The following PTPRF variants were observed in gnomAD, a reference collection of about 807,000 sequenced individuals.
PTPRF encodes protein tyrosine phosphatase receptor type F.
PTPRF carries 59 observed loss-of-function variants against 201.8 expected under a neutral mutation model. That is an observed-to-expected ratio of 0.29 (90% confidence interval 0.24 to 0.36). The LOEUF (loss-of-function observed/expected upper bound fraction) is 0.36. Among genes scored for constraint, PTPRF ranks in the 10% least tolerant of loss-of-function variants. PTPRF has a pLI of 1.00. For synonymous variants in PTPRF, 1,088 were observed against 1,089.7 expected, an observed-to-expected ratio of 1.00 and a Z score of 0.03; for missense variants, 2,132 against 2,690.5, an observed-to-expected ratio of 0.79 and a Z score of 4.59.
chr1:43,524,255 A>C (rs1419790202), upstream of PTPRF, among the ~76,000 whole-genome samples: 1 of 152,158 alleles, frequency 6.6e-6, no homozygotes, highest in African/African-American at 2.4e-5. Flanking sequence ...ATTGGGTACA[A>C]TGTTCGATAT....
intron 11 of PTPRF, among the ~76,000 whole-genome samples, chr1:43,595,662 TGA>T (rs896651534): frequency 2.6e-5 from 4 of 152,062 alleles, no homozygotes; most frequent in African/African-American, 9.7e-5. Flanking sequence ...GTATGGGTGG[TGA>T]GAGAGCTTAG....
At chr1:43,561,638 T>C (rs1645811752) in intron 5 of PTPRF, among the ~76,000 whole-genome samples, 1 of 152,176 alleles carries the variant, frequency 6.6e-6, no homozygotes, top group Admixed American at 6.5e-5. Flanking sequence ...GTCCAGCTGC[T>C]GTAGTCCTCT....
At position 43,603,614 on chromosome 1, in the gene PTPRF, C is replaced by T; in HGVS notation, c.2462C>T (p.Pro821Leu). Reference sequence around the variant, plus strand: ...AGCCCAGCCCGTGGTCCTTCAGTCCCAGGCCGGCCCACCATGATGATCAGC... The same window carrying T: ...AGCCCAGCCCGTGGTCCTTCAGTCCTAGGCCGGCCCACCATGATGATCAGC... Reference protein sequence around the residue: ...PKIVTTTGAVPGRPTMMISTT... With the variant: ...PKIVTTTGAVLGRPTMMISTT... The change falls in exon 16 of 34, where the codon CCA becomes CTA. Residue 821 changes from proline (P) to leucine (L), a missense_variant. Pro to Leu is a moderately conservative substitution (Grantham distance 98). Transcript: ENST00000359947. This position sits in a 1 kb window ranked among gnomAD's most constrained non-coding sequence, Gnocchi z 5.8. 1 of 1,612,844 alleles carries T rather than the reference C, an allele frequency of 6.2e-7. No individual in the cohort carries two copies. The highest frequency in any genetic ancestry group is 8.5e-7 in the Non-Finnish European group (1 of 1,179,444).
rs570225153 is a variant in PTPRF at position 43,610,678 on chromosome 1, G to C, written c.3973+1180G>C. ...GTGGATCACCTGAGGTCAGGAGTTC[G>C]AGACCAGCTAATGAAATCCCATCTC... On this transcript the variant is annotated intron_variant, in intron 22 of 33. Coordinates refer to ENST00000359947, the MANE Select transcript of PTPRF (RefSeq NM_002840.5). Among the ~76,000 whole-genome samples the C allele has an allele frequency of 4.6e-5, 7 of 152,314 alleles. No homozygotes were observed. In the South Asian group the frequency reaches 1.5e-3, roughly 32 times the overall value.
In PTPRF at chr1:43,593,847, G is replaced by A. The variant is rs1000049349; in HGVS notation, c.1813+1246G>A. Reference sequence around the variant, plus strand: ...CTAAAAATACAAAAATTAGCCAGGCGTGGTGGTGGTTGCCTGCAATCCCAC... The same window carrying A: ...CTAAAAATACAAAAATTAGCCAGGCATGGTGGTGGTTGCCTGCAATCCCAC... On this transcript the variant is annotated intron_variant, in intron 11 of 33. Coordinates refer to ENST00000359947, the MANE Select transcript of PTPRF (RefSeq NM_002840.5). Among the ~76,000 whole-genome samples, 8 of 151,770 alleles carry A rather than the reference G, an allele frequency of 5.3e-5. No homozygotes were observed. In the East Asian group the frequency reaches 7.8e-4, roughly 15 times the overall value.
intron 19 of PTPRF, 100 bp downstream of exon 19, chr1:43,605,722 C>T (rs1654932041): frequency 3.4e-6 from 4 of 1,161,346 alleles, no homozygotes; most frequent in South Asian, 2.6e-5. Context: ...AGATTCACTC[C>T]CCAAATTGAA....
intron 6 of PTPRF, among the ~76,000 whole-genome samples, chr1:43,572,910 G>A (rs975422347): frequency 2.6e-5 from 4 of 151,978 alleles, no homozygotes; most frequent in Non-Finnish European, 5.9e-5. Flanking sequence ...GGAGCAGCTG[G>A]ACCCTTCTGG....
chr1:43,610,814 AGATC>A (rs1656254312), intron 22 of PTPRF, among the ~76,000 whole-genome samples: 1 of 152,252 alleles, frequency 6.6e-6, no homozygotes, highest in Non-Finnish European at 1.5e-5. Flanking sequence ...GCGTGAGCCA[AGATC>A]GTACCATCGC....
upstream of PTPRF, among the ~76,000 whole-genome samples, chr1:43,526,957 T>C (rs1643142191): frequency 6.6e-6 from 1 of 152,100 alleles, no homozygotes; most frequent in Non-Finnish European, 1.5e-5. Context: ...ACCCCTGGAG[T>C]TCATGGATGA....
At chr1:43,566,789 A>C (rs1646218624) in intron 5 of PTPRF, among the ~76,000 whole-genome samples, 2 of 152,136 alleles carry the variant, frequency 1.3e-5, no homozygotes, top group African/African-American at 4.8e-5. Context: ...GCTGCCTAGA[A>C]GCCTAGTTGG....
intron 25 of PTPRF, 62 bp from the exon 26 acceptor site, chr1:43,618,568 C>A: frequency 6.4e-7 from 1 of 1,557,960 alleles, no homozygotes; most frequent in South Asian, 1.2e-5. Context: ...CAGCCTCCAC[C>A]CTGCTTCTGC....
chr1:43,618,604 A>G, intron 25 of PTPRF, 26 bp from the exon 26 acceptor site: 1 of 1,585,078 alleles, frequency 6.3e-7, no homozygotes, highest in Non-Finnish European at 8.6e-7. Flanking sequence ...GGCTTCCTTC[A>G]GCCTGCCCTG....
chr1:43,573,542 C>T (rs987953836), intron 6 of PTPRF, among the ~76,000 whole-genome samples: 1 of 152,234 alleles, frequency 6.6e-6, no homozygotes, highest in Non-Finnish European at 1.5e-5. Flanking sequence ...TGGCTGGCCC[C>T]AGCTCTGGCT....
chr1:43,532,848 C>G (rs1361212115), intron 1 of PTPRF, among the ~76,000 whole-genome samples: 2 of 152,084 alleles, frequency 1.3e-5, no homozygotes, highest in African/African-American at 4.8e-5. Flanking sequence ...ACCCTCTTGC[C>G]TTCATTTCCA....
At chr1:43,524,050 CAAAAAAAAAAAAAA>C (rs57088994), upstream of PTPRF, among the ~76,000 whole-genome samples, 5 of 80,658 alleles carry the variant, frequency 6.2e-5, no homozygotes, top group Admixed American at 1.7e-4. Flanking sequence ...GAGACTCTGT[CAAAAAAAAAAAAAA>C]AAAAAAAAAA....
chr1:43,541,456 G>A (rs1194431880), intron 2 of PTPRF, among the ~76,000 whole-genome samples: 2 of 152,192 alleles, frequency 1.3e-5, no homozygotes, highest in African/African-American at 2.4e-5. Flanking sequence ...GTTCATATGC[G>A]AATGCTGTGG....
At chr1:43,594,897 A>C (rs1651857417) in intron 11 of PTPRF, among the ~76,000 whole-genome samples, 1 of 152,222 alleles carries the variant, frequency 6.6e-6, no homozygotes, top group Admixed American at 6.5e-5. Flanking sequence ...GAAAGACTGC[A>C]GATGAGAGGA....
At chr1:43,563,613 A>G (rs1645960711) in intron 5 of PTPRF, among the ~76,000 whole-genome samples, 1 of 152,178 alleles carries the variant, frequency 6.6e-6, no homozygotes, top group South Asian at 2.1e-4. Flanking sequence ...AAGTGTGCGA[A>G]GGAGGAGGAG....
chr1:43,580,085 C>T (rs1647221199), intron 7 of PTPRF: 1 of 149,258 alleles, frequency 6.7e-6, no homozygotes, highest in South Asian at 2.1e-4. Context: ...AAAAGTACAA[C>T]TGTCTCCACC....
Sources: gnomAD v4.1 joint callset for allele counts (sites outside exome capture counted in the v4.1 genomes callset) on GRCh38, gnomAD v4.1.1 for gene constraint, Gnocchi (gnomAD v3.1) non-coding constraint, MANE v1.5 for transcripts, NCBI Gene and HGNC (gene_info 2026-07-23, HGNC 2026-07-21) for gene names.